Variants in CAPN11 observed in about 807,000 individuals in gnomAD.
The protein encoded by CAPN11 is calpain-11.
CAPN11 carries 108 observed loss-of-function variants against 105.3 expected under a neutral mutation model. The ratio of observed to expected loss-of-function variants is 1.03; its 90% confidence interval spans 0.88 to 1.20. The LOEUF is 1.20. Ranked by LOEUF, CAPN11 falls within the 50% of genes most tolerant of loss-of-function variation. The pLI is 0.00. For missense variants in CAPN11, 883 were observed against 924.8 expected, an observed-to-expected ratio of 0.95 and a Z score of 0.59; for synonymous variants, 329 against 344.5, an observed-to-expected ratio of 0.96 and a Z score of 0.50.
chr6:44,163,173 G>A (rs529082505), intron 1 of CAPN11, among the ~76,000 whole-genome samples: 30 of 152,280 alleles, frequency 2.0e-4, no homozygotes, highest in African/African-American at 6.7e-4. Context: ...TCTATACACA[G>A]GTGAGGAAAC....
At chr6:44,178,064 T>A (rs947340955) in intron 12 of CAPN11, among the ~76,000 whole-genome samples, 1 of 152,218 alleles carries the variant, frequency 6.6e-6, no homozygotes, top group Non-Finnish European at 1.5e-5. Flanking sequence ...TTGCCCAGGC[T>A]GAGCCCTGAC....
intron 11 of CAPN11, 35 bp from the exon 12 acceptor site, chr6:44,177,207 C>T: frequency 6.5e-7 from 1 of 1,547,938 alleles, no homozygotes; most frequent in Non-Finnish European, 8.7e-7. Context: ...CAAGGGAAGC[C>T]CCCGTATAAC....
chr6:44,174,453 G>A (rs1243835774), intron 7 of CAPN11, among the ~76,000 whole-genome samples: 1 of 136,002 alleles, frequency 7.4e-6, no homozygotes, highest in Non-Finnish European at 1.5e-5. Context: ...TGAGGTGGGA[G>A]AATTGCTTGA....
chr6:44,177,010 G>T lies in CAPN11; in HGVS notation c.1237+12G>T, dbSNP rs190660299. ...CAGGAACCACCCTGGTGGGTGAGGG[G>T]TGAGAGGGGAGGGGGTGTGCAGGGA... On this transcript the variant is annotated intron_variant, in intron 11 of 22. Transcript: ENST00000398776. The T allele has an allele frequency of 1.3e-5, 21 of 1,611,306 alleles. No homozygotes were observed. The East Asian group carries it at 4.0e-4, about 31-fold the overall frequency.
chr6:44,177,287 GGGATGACCCAGA>G lies in CAPN11; in HGVS notation c.1291_1302del (p.Pro431_Asp434del), dbSNP rs1253693136. 5.0e-6 allele frequency: 8 copies of G among 1,611,870 alleles called. No homozygotes were observed. Among genetic ancestry groups the G allele is most frequent in the Non-Finnish European group, 6.8e-6 (8 of 1,179,070 alleles). ...CAGTTTAAGATCTCTCTTCCTGAGG[GGGATGACCCAGA>G]GGATGACGCAGAGGGCAATGTTGTG... On this transcript the variant is annotated inframe_deletion, in exon 12 of 23. Coordinates refer to ENST00000398776, the MANE Select transcript of CAPN11 (RefSeq NM_007058.4).
Position 44,173,273 on chromosome 6 carries a change from G to A in CAPN11, c.718G>A (p.Asp240Asn). Residue 240 changes from aspartate (D) to asparagine (N), a missense_variant, in exon 7 of 23, where the codon GAC becomes AAC. Asp to Asn is a conservative substitution (Grantham distance 23). Transcript: ENST00000398776. ...SGGSTMEGLE[D>N]FTGGVAQSFQ... The stretch of plus-strand genomic sequence containing the variant: ...GGGCAGTACCATGGAGGGCCTTGAG[G>A]ACTTCACAGGAGGCGTGGCCCAGAG... 4 of 1,613,890 alleles carry A rather than the reference G, an allele frequency of 2.5e-6. No individual in the cohort carries two copies. Among genetic ancestry groups the A allele is most frequent in the African/African-American group, 1.3e-5 (1 of 75,022 alleles).
chr6:44,167,657 C>T (rs576331428), intron 2 of CAPN11, among the ~76,000 whole-genome samples: 3 of 152,134 alleles, frequency 2.0e-5, no homozygotes, highest in Admixed American at 2.0e-4. Flanking sequence ...TGCCAGTAAT[C>T]CCAGCACTTT....
intron 2 of CAPN11, 118 bp downstream of exon 2, chr6:44,166,947 C>T (rs531957335): frequency 3.0e-5 from 8 of 267,628 alleles, no homozygotes; most frequent in Admixed American, 9.1e-5. Context: ...GTGGGGAGGG[C>T]GGCGGGGGGA....
In CAPN11 at chr6:44,169,970, T is replaced by A; in HGVS notation, c.404T>A (p.Ile135Asn). The change falls in exon 4 of 23, where the codon ATC becomes AAC. Residue 135 changes from isoleucine (I) to asparagine (N), a missense_variant. Coordinates refer to ENST00000398776, the MANE Select transcript of CAPN11 (RefSeq NM_007058.4). ...GISPTDICQG[I>N]LGDCWLLAAI... is the part of the protein sequence containing the mutation. ...TCTCCAACAGACATCTGCCAGGGGA[T>A]CCTCGGTGAGTGGGGCACAGGAAGC... 6.2e-7 allele frequency: 1 copy of A among 1,610,012 alleles called. No individual in the cohort carries two copies.
intron 18 of CAPN11, 80 bp from the exon 19 acceptor site, chr6:44,181,172 C>A: frequency 7.4e-7 from 1 of 1,350,782 alleles, no homozygotes; most frequent in Non-Finnish European, 1.1e-6. Flanking sequence ...CTTGTGTGTC[C>A]CCTCAGGAAC....
At chr6:44,159,219 G>T (rs1447844488) in intron 1 of CAPN11, among the ~76,000 whole-genome samples, 3 of 152,116 alleles carry the variant, frequency 2.0e-5, no homozygotes, top group Admixed American at 2.0e-4. Flanking sequence ...TGGGGAAAAG[G>T]GTTTGTGTGA....
Position 44,180,091 on chromosome 6 carries a change from C to A in CAPN11, c.1568C>A (p.Pro523His). The change falls in exon 14 of 23, where the codon CCC becomes CAC. Residue 523 changes from proline (P) to histidine (H), a missense_variant. Transcript: ENST00000398776. Reference sequence around the variant, plus strand: ...CCTCCGGGGGAATATATCATTATTCCCTCCACCTTTGAGCCACACAGAGAT... The same window carrying A: ...CCTCCGGGGGAATATATCATTATTCACTCCACCTTTGAGCCACACAGAGAT... ...RLPPGEYIII[P>H]STFEPHRDAD... 6.2e-7 allele frequency: 1 copy of A among 1,613,584 alleles called. No individual in the cohort carries two copies. Among genetic ancestry groups the A allele is most frequent in the Non-Finnish European group, 8.5e-7 (1 of 1,179,658 alleles).
intron 1 of CAPN11, chr6:44,162,028 T>G: frequency 2.5e-6 from 1 of 393,448 alleles, no homozygotes; most frequent in Non-Finnish European, 5.2e-6. Context: ...TGGCCTCTAC[T>G]TACTAGATGC....
intron 1 of CAPN11, 66 bp from the exon 2 acceptor site, chr6:44,166,692 C>T (rs1561839745): frequency 5.0e-6 from 6 of 1,203,926 alleles, no homozygotes; most frequent in Non-Finnish European, 7.2e-6. Flanking sequence ...ACCCCAGCCC[C>T]AGCTGGGCTC....
At chr6:44,177,819 T>C (rs901436632) in intron 12 of CAPN11, among the ~76,000 whole-genome samples, 6 of 152,030 alleles carry the variant, frequency 3.9e-5, no homozygotes, top group Non-Finnish European at 2.9e-5. Context: ...CCAGGGCCAC[T>C]TCCTGCCTGG....
intron 19 of CAPN11, among the ~76,000 whole-genome samples, chr6:44,182,683 C>T (rs1211324569): frequency 2.0e-5 from 3 of 152,178 alleles, no homozygotes; most frequent in Non-Finnish European, 4.4e-5. Flanking sequence ...ACCTCCGCCT[C>T]CTGCCTCAGC....
intron 7 of CAPN11, among the ~76,000 whole-genome samples, chr6:44,174,528 AAAAAAG>A (rs1343039552): frequency 2.0e-5 from 3 of 151,432 alleles, no homozygotes; most frequent in Non-Finnish European, 4.4e-5. Context: ...AAAAAAAAAA[AAAAAAG>A]AAATTAATTA....
intron 22 of CAPN11, 34 bp downstream of exon 22, chr6:44,183,797 A>C: frequency 6.2e-7 from 1 of 1,606,354 alleles, no homozygotes; most frequent in Non-Finnish European, 8.5e-7. Flanking sequence ...AATCTGCAGG[A>C]TTGCACCTGC....
rs765097464 is a variant in CAPN11, at chr6:44,183,168, AGAT to A, written c.2073_2075del (p.Asp692del). ...TGCAGGTCCTGGTGGCCAGGTATGCAGATGATGACCTGATCATAGACTTTGACA... is the reference window on the plus strand; with the variant it reads ...TGCAGGTCCTGGTGGCCAGGTATGCAGATGACCTGATCATAGACTTTGACA... On this transcript the variant is annotated inframe_deletion, in exon 21 of 23. Transcript: ENST00000398776. 203 of 1,613,686 alleles carry A rather than the reference AGAT, an allele frequency of 1.3e-4. No individual in the cohort carries two copies. Among genetic ancestry groups the A allele is most frequent in the Non-Finnish European group, 1.0e-5 (12 of 1,179,746 alleles).
Sources: gnomAD v4.1 joint callset for allele counts (sites outside exome capture counted in the v4.1 genomes callset) on GRCh38, gnomAD v4.1.1 for gene constraint, MANE v1.5 for transcripts, NCBI Gene and HGNC (gene_info 2026-07-23, HGNC 2026-07-21) for gene names.